The following SVEP1 variants were observed in gnomAD, a reference collection of about 807,000 sequenced individuals.
The protein encoded by SVEP1 is sushi, von Willebrand factor type A, EGF and pentraxin domain containing 1, also known as sushi, von Willebrand factor type A, EGF and pentraxin domain-containing protein 1.
SVEP1 carries 164 observed loss-of-function variants against 367.3 expected under a neutral mutation model. The ratio of observed to expected loss-of-function variants is 0.45; its 90% confidence interval spans 0.39 to 0.51. The LOEUF (loss-of-function observed/expected upper bound fraction) is 0.51. SVEP1 is among the 20% of genes least tolerant of loss of function. The pLI is 0.00. For synonymous variants in SVEP1, 1,666 were observed against 1,611.6 expected (o/e 1.03, Z -0.81); for missense variants, 4,117 against 4,425.3 (o/e 0.93, Z 1.98).
In SVEP1 at chr9:110,411,755, G is replaced by T. The variant is rs377407125; in HGVS notation, c.5976-20C>A. 1.1e-4 allele frequency: 169 copies of T among 1,483,328 alleles called. 1 individual carries two copies. In the African/African-American group the frequency reaches 2.3e-3, roughly 20 times the overall value. 91.9% of individuals were successfully genotyped at this position (1,483,328 alleles called of 1,614,324 possible). A position where few individuals can be genotyped will look rare whatever the true frequency, so the allele number is the denominator to read the frequency against. On this transcript the variant is annotated intron_variant, in intron 36 of 47. Transcript: ENST00000374469. ...GTATAGCTGTGAGGTTGGGAAGAAA[G>T]AAAGAATAACTAAGCATAATATTTG...
Position 110,503,046 on chromosome 9 carries a change from C to A in SVEP1, c.1475G>T (p.Arg492Leu). 6.2e-7 allele frequency: 1 copy of A among 1,610,856 alleles called. No homozygotes were observed. Residue 492 changes from arginine to leucine, a missense_variant, in exon 6 of 48, where the codon CGG (arginine) becomes CTG (leucine). Around this residue, in one of 4 missense-constraint regions of SVEP1, gnomAD observed 2,174 missense variants for 2,494.3 expected, o/e 0.87. Coordinates refer to ENST00000374469, the MANE Select transcript of SVEP1 (RefSeq NM_153366.4). ...ACCTTCTAGAAACTTACCCACACAC[C>A]GGGGTTCTGGCCCATCCCACTGGCT... The part of the protein sequence containing the change: ...GNSQWDGPEP[R>L]CVERHCSTFQ...
rs1350302972 is a variant in SVEP1, at chr9:110,410,990, ATTTGT to A, written c.6648+68_6648+72del. On this transcript the variant is annotated intron_variant, in intron 37 of 47. Transcript: ENST00000374469. ...AACTTGGCAGTGTTTGGACTCAATT[ATTTGT>A]TTTGTTTATTTATTTATTATGGGCC... 5 of 1,378,680 alleles carry A rather than the reference ATTTGT, an allele frequency of 3.6e-6. No homozygotes were observed. In the South Asian group the frequency reaches 4.9e-5, roughly 13 times the overall value. The allele number at this position is 1,378,680 out of a possible 1,614,324, so 85.4% of individuals were successfully genotyped here.
intron 1 of SVEP1, among the ~76,000 whole-genome samples, chr9:110,573,101 T>C (rs1269365518): frequency 2.0e-5 from 3 of 152,218 alleles, no homozygotes; most frequent in East Asian, 1.9e-4. Flanking sequence ...CAGTGAGCGA[T>C]TGTTGATGTT....
chr9:110,569,456 CAAAAA>C (rs11368565), intron 1 of SVEP1, among the ~76,000 whole-genome samples: 1 of 116,926 alleles, frequency 8.6e-6, no homozygotes. Context: ...AACTCAGTCT[CAAAAA>C]AAAAAAAAAA....
rs775155745 is a variant in SVEP1, at chr9:110,450,124, G to A, written c.4038C>T (p.Val1346=). ...TGCATGGCTGACTGAGACACTCATC[G>A]ACGTTCTTTCCACATCGGGTACCCA... is the stretch of plus-strand genomic sequence containing the variant. ...GFLGTRCGKN[V]DECLSQPCKN... The change falls in exon 24 of 48, where the codon GTC becomes GTT. Residue 1346 remains valine (V), a synonymous_variant. Coordinates refer to ENST00000374469, the MANE Select transcript of SVEP1 (RefSeq NM_153366.4). The A allele has an allele frequency of 2.0e-5, 33 of 1,613,774 alleles. No individual in the cohort carries two copies. The highest frequency in any genetic ancestry group is 6.7e-5 in the East Asian group (3 of 44,888).
At chr9:110,565,142 G>A (rs1008680187) in intron 1 of SVEP1, among the ~76,000 whole-genome samples, 2 of 152,092 alleles carry the variant, frequency 1.3e-5, no homozygotes. Flanking sequence ...AAGGAATTGG[G>A]TTTTTGTTTT....
chr9:110,544,014 T>C (rs1456997582), intron 3 of SVEP1, among the ~76,000 whole-genome samples: 1 of 151,696 alleles, frequency 6.6e-6, no homozygotes, highest in Non-Finnish European at 1.5e-5. Context: ...TGGGTGAGCA[T>C]GGATGGTTGG....
At chr9:110,573,454 T>C (rs1210940428) in intron 1 of SVEP1, among the ~76,000 whole-genome samples, 1 of 152,224 alleles carries the variant, frequency 6.6e-6, no homozygotes, top group Non-Finnish European at 1.5e-5. Flanking sequence ...GAAGCACTTC[T>C]GCCCACACAT....
At chr9:110,439,961 T>C (rs986796277) in intron 27 of SVEP1, among the ~76,000 whole-genome samples, 1 of 152,196 alleles carries the variant, frequency 6.6e-6, no homozygotes, top group African/African-American at 2.4e-5. Context: ...AATGCTTTTT[T>C]TAACCAGAAA....
At chr9:110,388,861 C>T (rs576918566) in intron 41 of SVEP1, among the ~76,000 whole-genome samples, 65 of 151,526 alleles carry the variant, frequency 4.3e-4, no homozygotes, top group Non-Finnish European at 7.7e-4. Flanking sequence ...CCCAGCTACT[C>T]GGGAGGCTGA....
At chr9:110,369,107 G>A (rs1827240427) in intron 47 of SVEP1, among the ~76,000 whole-genome samples, 1 of 152,164 alleles carries the variant, frequency 6.6e-6, no homozygotes. Flanking sequence ...GATATATATT[G>A]AAAGTCTTAA....
rs558951704 is a variant in SVEP1, at chr9:110,414,301, A to C, written c.5976-2566T>G. ...ACTGACAATATTTATGAAATCTATA[A>C]GAGACAGAGAAATCAGGAAAAAAAT... On this transcript the variant is annotated intron_variant, in intron 36 of 47. Coordinates refer to ENST00000374469, the MANE Select transcript of SVEP1 (RefSeq NM_153366.4). 1.6e-4 allele frequency among the ~76,000 whole-genome samples: 24 copies of C among 152,174 alleles called. 1 individual carries two copies. The highest frequency in any genetic ancestry group is 5.3e-4 in the African/African-American group (22 of 41,420).
intron 23 of SVEP1, among the ~76,000 whole-genome samples, chr9:110,451,026 T>C (rs1828685056): frequency 6.6e-6 from 1 of 152,168 alleles, no homozygotes; most frequent in Non-Finnish European, 1.5e-5. Flanking sequence ...AGTTCCTTCT[T>C]GAAAGTTTGC....
intron 7 of SVEP1, among the ~76,000 whole-genome samples, chr9:110,497,477 C>A (rs1829468377): frequency 6.6e-6 from 1 of 152,306 alleles, no homozygotes; most frequent in South Asian, 2.1e-4. Flanking sequence ...ATTTGAAGGT[C>A]AGGATGTCTT....
At chr9:110,396,224 T>G (rs1564129820) in intron 40 of SVEP1, among the ~76,000 whole-genome samples, 3 of 152,002 alleles carry the variant, frequency 2.0e-5, no homozygotes, top group Admixed American at 6.6e-5. Context: ...ACATGGAAAC[T>G]GAACAACCTG....
At chr9:110,512,661 G>A in intron 5 of SVEP1, 1 of 480,512 alleles carries the variant, frequency 2.1e-6, no homozygotes, top group South Asian at 2.1e-5. Context: ...TGAAATTTGA[G>A]GTTTGGGGTA....
chr9:110,378,680 AAGTCCTGAAT>A (rs377061094), intron 44 of SVEP1, among the ~76,000 whole-genome samples: 13,651 of 148,922 alleles, frequency 0.092, 801 homozygotes, highest in Middle Eastern at 0.13. Context: ...GCCCATGCCT[AAGTCCTGAAT>A]GGCAGGTGGG....
chr9:110,374,700 A>G (rs571732443), intron 46 of SVEP1, among the ~76,000 whole-genome samples: 2 of 152,292 alleles, frequency 1.3e-5, no homozygotes, highest in South Asian at 4.1e-4. Context: ...GGTTGTGGAG[A>G]AAAGGGAACA....
At chr9:110,457,967 C>T (rs1828801942) in intron 20 of SVEP1, 2 of 335,870 alleles carry the variant, frequency 6.0e-6, no homozygotes, top group East Asian at 7.8e-5. Context: ...CAAGACTTAA[C>T]AACTAGTCTT....
Sources: gnomAD v4.1 joint callset for allele counts (sites outside exome capture counted in the v4.1 genomes callset) on GRCh38, gnomAD v4.1.1 for gene constraint, gnomAD v4.1.1 regional missense constraint, MANE v1.5 for transcripts, NCBI Gene and HGNC (gene_info 2026-07-23, HGNC 2026-07-21) for gene names.